The following DYNC2I1 variants were observed in gnomAD, a reference collection of about 807,000 sequenced individuals.
The protein encoded by DYNC2I1 is cytoplasmic dynein 2 intermediate chain 1.
DYNC2I1 carries 89 observed loss-of-function variants against 133.4 expected under a neutral mutation model. The ratio of observed to expected loss-of-function variants is 0.67; its 90% CI spans 0.56 to 0.80. The LOEUF (loss-of-function observed/expected upper bound fraction) is 0.80. Ranked by LOEUF, DYNC2I1 falls within the 30% of genes least tolerant of loss-of-function variation. The pLI, the probability that DYNC2I1 is intolerant of heterozygous loss-of-function variation, is 0.00. For missense variants in DYNC2I1, 1,291 were observed against 1,314.5 expected, an observed-to-expected ratio of 0.98 and a Z score of 0.28; for synonymous variants, 504 against 484.3, an observed-to-expected ratio of 1.04 and a Z score of -0.54.
intron 23 of DYNC2I1, among the ~76,000 whole-genome samples, chr7:158,938,342 A>G (rs1357925641): frequency 6.6e-6 from 1 of 152,220 alleles, no homozygotes; most frequent in Non-Finnish European, 1.5e-5. Context: ...AATGAAGAAC[A>G]TTGCCATCCA....
At chr7:158,843,431 TG>T in the DYNC2I1 span, among the ~76,000 whole-genome samples, 5 of 152,320 alleles carry the variant, frequency 3.3e-5, no homozygotes, top group East Asian at 9.6e-4. Flanking sequence ...TAATTTTTTT[TG>T]TATTTTTAGT....
chr7:158,917,347 C>T (rs1236919042), intron 14 of DYNC2I1, among the ~76,000 whole-genome samples: 1 of 151,124 alleles, frequency 6.6e-6, no homozygotes, highest in Non-Finnish European at 1.5e-5. Context: ...ACACTCCACC[C>T]TCCACCTCTC....
chr7:158,839,754 A>C, the DYNC2I1 span, among the ~76,000 whole-genome samples: 1 of 152,022 alleles, frequency 6.6e-6, no homozygotes, highest in South Asian at 2.1e-4. Context: ...CGGGAGGCGG[A>C]GCTTGCAGTG....
chr7:158,886,192 A>G (rs183058008), intron 6 of DYNC2I1, among the ~76,000 whole-genome samples: 126 of 152,176 alleles, frequency 8.3e-4, no homozygotes, highest in Non-Finnish European at 1.4e-3. Context: ...GTGCAGTGGC[A>G]TGATCTCGGC....
intron 3 of DYNC2I1, among the ~76,000 whole-genome samples, chr7:158,873,925 T>C (rs1049819615): frequency 1.3e-5 from 2 of 151,748 alleles, no homozygotes; most frequent in Non-Finnish European, 2.9e-5. Context: ...CCTGGCTAAT[T>C]TTTTGTATTT....
At chr7:158,864,938 A>G (rs1001534030) in intron 1 of DYNC2I1, among the ~76,000 whole-genome samples, 3 of 152,256 alleles carry the variant, frequency 2.0e-5, no homozygotes, top group East Asian at 1.9e-4. Flanking sequence ...CCCACTGCCC[A>G]CAGGTGGCTG....
At position 158,914,237 on chromosome 7, in the gene DYNC2I1, T is replaced by G. The variant is rs1218375157; in HGVS notation, c.1707T>G (p.Ser569Arg). ...TATATAAACTGTTTTTTTTAGGCAG[T>G]GAACAAAGAGATACCTCTGATGCTG... ...PGESTVVSGG[S>R]EQRDTSDAVV... Residue 569 changes from serine to arginine, a missense_variant, in exon 14 of 25, where the codon AGT becomes AGG. Physicochemically the swap from Ser to Arg is moderately radical, Grantham distance 110. Transcript: ENST00000407559. 6.2e-7 allele frequency: 1 copy of G among 1,609,856 alleles called. No homozygotes were observed. Among genetic ancestry groups the G allele is most frequent in the Non-Finnish European group, 8.5e-7 (1 of 1,177,970 alleles).
intron 14 of DYNC2I1, among the ~76,000 whole-genome samples, chr7:158,915,799 C>T (rs1390189102): frequency 5.1e-5 from 7 of 138,252 alleles, no homozygotes; most frequent in Admixed American, 1.4e-4. Context: ...TGTGAAACGT[C>T]GACACGCTGG....
At chr7:158,854,606 C>G (rs538746801), upstream of DYNC2I1, among the ~76,000 whole-genome samples, 1 of 151,908 alleles carries the variant, frequency 6.6e-6, no homozygotes, top group East Asian at 1.9e-4. Context: ...CAAACCTGCA[C>G]GTTCTGCACA....
chr7:158,878,744 T>A (rs1367364545), intron 4 of DYNC2I1, among the ~76,000 whole-genome samples: 2 of 116,704 alleles, frequency 1.7e-5, no homozygotes. Context: ...GAGTGCCGGG[T>A]GCCATGTGGG....
At chr7:158,957,075 C>T (rs1852217865), downstream of DYNC2I1, among the ~76,000 whole-genome samples, 1 of 152,130 alleles carries the variant, frequency 6.6e-6, no homozygotes, top group Non-Finnish European at 1.5e-5. Context: ...TTCGCTGCTG[C>T]TGCTGCCGGC....
At chr7:158,890,283 T>C (rs1845072215) in intron 7 of DYNC2I1, among the ~76,000 whole-genome samples, 2 of 152,132 alleles carry the variant, frequency 1.3e-5, no homozygotes, top group African/African-American at 4.8e-5. Flanking sequence ...AAATTATCAG[T>C]GAGGTAACCA....
chr7:158,858,746 T>C (rs1352079511), intron 1 of DYNC2I1, among the ~76,000 whole-genome samples: 1 of 151,910 alleles, frequency 6.6e-6, no homozygotes, highest in African/African-American at 2.4e-5. Flanking sequence ...CTACTGTTTC[T>C]TGGATCAAGT....
chr7:158,903,960 G>C (rs1327333564), intron 10 of DYNC2I1: 1 of 152,128 alleles, frequency 6.6e-6, no homozygotes, highest in Non-Finnish European at 1.5e-5. Flanking sequence ...TTTCTTATTT[G>C]AAGGAGTTAT....
Position 158,911,556 on chromosome 7 carries a change from A to G in DYNC2I1, c.1467A>G (p.Arg489=). The change falls in exon 12 of 25, where the codon CGA becomes CGG. Residue 489 remains arginine, a synonymous_variant. Transcript: ENST00000407559. ...SRTQALKQKM[R]STKLLRLIDL... ...TTTCCAATTTATTTCAAAGGATGCGAAGTACAAAACTGCTTCGGCTCATTG... is the reference window on the plus strand; with the variant it reads ...TTTCCAATTTATTTCAAAGGATGCGGAGTACAAAACTGCTTCGGCTCATTG... 4 of 1,612,792 alleles carry G rather than the reference A, an allele frequency of 2.5e-6. No homozygotes were observed. Among genetic ancestry groups the G allele is most frequent in the Non-Finnish European group, 3.4e-6 (4 of 1,179,590 alleles).
At chr7:158,870,791 G>A (rs888369411) in intron 2 of DYNC2I1, among the ~76,000 whole-genome samples, 10 of 152,092 alleles carry the variant, frequency 6.6e-5, no homozygotes, top group African/African-American at 2.4e-4. Flanking sequence ...CCTGACACCC[G>A]AATAGTACCT....
chr7:158,882,676 C>A (rs1844158857), intron 5 of DYNC2I1, among the ~76,000 whole-genome samples: 1 of 151,994 alleles, frequency 6.6e-6, no homozygotes, highest in Admixed American at 6.6e-5. Context: ...AGTTCGAGAC[C>A]AGCCTGGCTA....
intron 8 of DYNC2I1, among the ~76,000 whole-genome samples, chr7:158,893,868 ACATAT>A (rs1845482011): frequency 6.6e-6 from 1 of 151,782 alleles, no homozygotes; most frequent in Non-Finnish European, 1.5e-5. Flanking sequence ...ATATTGTACC[ACATAT>A]CATATCGTAA....
At chr7:158,917,859 C>A (rs1848629917) in intron 14 of DYNC2I1, among the ~76,000 whole-genome samples, 1 of 152,214 alleles carries the variant, frequency 6.6e-6, no homozygotes, top group Admixed American at 6.5e-5. Context: ...CCCATCCTGT[C>A]AGTCCTCACT....
Sources: gnomAD v4.1 joint callset for allele counts (sites outside exome capture counted in the v4.1 genomes callset) on GRCh38, gnomAD v4.1.1 for gene constraint, MANE v1.5 for transcripts, NCBI Gene and HGNC (gene_info 2026-07-23, HGNC 2026-07-21) for gene names.